Variants in CEP126 observed in about 807,000 individuals in gnomAD.
CEP126 encodes centrosomal protein of 126 kDa.
In CEP126, 74 loss-of-function variants were observed where a neutral mutation model predicts 107.8. The ratio of observed to expected loss-of-function variants is 0.69; its 90% CI spans 0.57 to 0.83. The LOEUF is 0.83. Ranked by LOEUF, CEP126 falls within the 40% of genes least tolerant of loss-of-function variation. The pLI is 0.00. For synonymous variants in CEP126, 449 were observed against 446.0 expected (o/e 1.01, Z -0.08); for missense variants, 1,237 against 1,281.9 (o/e 0.96, Z 0.53).
chr11:101,997,094 G>A (rs1395799526), intron 10 of CEP126, among the ~76,000 whole-genome samples: 13 of 152,180 alleles, frequency 8.5e-5, no homozygotes, highest in Admixed American at 8.5e-4. Context: ...CTGGAGTACA[G>A]TGGAGCAATC....
At chr11:101,934,064 C>T (rs1247788665) in intron 2 of CEP126, among the ~76,000 whole-genome samples, 1 of 151,984 alleles carries the variant, frequency 6.6e-6, no homozygotes, top group African/African-American at 2.4e-5. Flanking sequence ...CATCTTCGCT[C>T]TTTGTTTTCA....
intron 5 of CEP126, among the ~76,000 whole-genome samples, chr11:101,959,219 C>G (rs552284929): frequency 6.6e-6 from 1 of 150,650 alleles, no homozygotes; most frequent in Non-Finnish European, 1.5e-5. Context: ...TACAGTGGTG[C>G]AATCTCGGCT....
intron 4 of CEP126, among the ~76,000 whole-genome samples, chr11:101,949,303 G>A (rs1397963905): frequency 1.3e-5 from 2 of 152,136 alleles, no homozygotes; most frequent in Non-Finnish European, 2.9e-5. Flanking sequence ...AATAATTTTA[G>A]GCAAATTAGT....
chr11:101,926,608 A>G (rs1483086867), intron 2 of CEP126, among the ~76,000 whole-genome samples: 4 of 152,204 alleles, frequency 2.6e-5, no homozygotes, highest in Admixed American at 2.6e-4. Context: ...AGCTGTTATA[A>G]TGTTCTAGGC....
intron 1 of CEP126, chr11:101,916,412 ATC>A (rs1940214539): frequency 6.6e-6 from 1 of 152,202 alleles, no homozygotes; most frequent in South Asian, 2.1e-4. Context: ...AAAGTAAAAT[ATC>A]TCTTCTCCGA....
chr11:101,918,050 A>G (rs553537887), intron 1 of CEP126, among the ~76,000 whole-genome samples: 2 of 152,274 alleles, frequency 1.3e-5, no homozygotes, highest in Non-Finnish European at 2.9e-5. Flanking sequence ...ATGCCCTGAC[A>G]GGTCTGTTCC....
chr11:101,983,964 A>G (rs1308417582), intron 8 of CEP126, among the ~76,000 whole-genome samples: 2 of 152,190 alleles, frequency 1.3e-5, no homozygotes, highest in African/African-American at 4.8e-5. Context: ...ACTTTATATC[A>G]GGGAAGCTGG....
intron 9 of CEP126, 80 bp from the exon 10 acceptor site, chr11:101,992,698 T>C: frequency 2.4e-6 from 2 of 822,600 alleles, no homozygotes; most frequent in South Asian, 2.0e-5. Context: ...CATCAGAATT[T>C]AATATTTGAT....
At chr11:101,923,222 A>G (rs1565348841) in intron 2 of CEP126, among the ~76,000 whole-genome samples, 1 of 152,166 alleles carries the variant, frequency 6.6e-6, no homozygotes, top group South Asian at 2.1e-4. Flanking sequence ...ATAATGGTAT[A>G]AAAATTGGAA....
intron 10 of CEP126, 141 bp downstream of exon 10, chr11:101,992,983 T>C: frequency 1.3e-6 from 1 of 765,130 alleles, no homozygotes; most frequent in East Asian, 3.6e-5. Flanking sequence ...AACTGGCTTT[T>C]TATTATAAGA....
chr11:101,991,278 G>T (rs901695284), intron 9 of CEP126, among the ~76,000 whole-genome samples: 3 of 152,022 alleles, frequency 2.0e-5, no homozygotes, highest in Non-Finnish European at 4.4e-5. Context: ...ACACTCCAGT[G>T]ACCTAGCAGA....
intron 9 of CEP126, among the ~76,000 whole-genome samples, chr11:101,990,462 A>G (rs1449001861): frequency 1.3e-5 from 2 of 152,190 alleles, no homozygotes; most frequent in African/African-American, 4.8e-5. Context: ...CCCCTGGAAG[A>G]GGAGCAAGAC....
intron 3 of CEP126, among the ~76,000 whole-genome samples, chr11:101,945,600 G>A (rs940882010): frequency 1.3e-5 from 2 of 152,106 alleles, no homozygotes; most frequent in Admixed American, 6.5e-5. Flanking sequence ...CATATAATAC[G>A]ACGTCCTGTG....
chr11:101,922,876 A>G (rs1940351924), intron 2 of CEP126, 116 bp downstream of exon 2: 6 of 770,484 alleles, frequency 7.8e-6, no homozygotes, highest in African/African-American at 3.5e-5. Flanking sequence ...TCTGTGAAAC[A>G]TTGATCAAGA....
Position 101,938,177 on chromosome 11 carries a change from T to TAAAAAAAAAAAAAA in CEP126, c.249-6087_249-6086insAAAAAAAAAAAAAA. The stretch of plus-strand genomic sequence containing the variant: ...TCTGTCTCAAAAAAAAAAAAAAAAA[T>TAAAAAAAAAAAAAA]ACAAGAAATTGGTCCATTTTACCTA... On this transcript the variant is annotated intron_variant, in intron 2 of 10. Transcript: ENST00000263468. 1.7e-5 allele frequency among the ~76,000 whole-genome samples: 2 copies of TAAAAAAAAAAAAAA among 116,168 alleles called. 1 individual carries two copies. The highest frequency in any genetic ancestry group is 3.7e-5 in the Non-Finnish European group (2 of 54,632). The allele number at this position is 116,168 out of a possible 152,430, so 76.2% of individuals were successfully genotyped here.
intron 1 of CEP126, among the ~76,000 whole-genome samples, chr11:101,919,797 A>G (rs1940295628): frequency 6.6e-6 from 1 of 152,222 alleles, no homozygotes; most frequent in Non-Finnish European, 1.5e-5. Flanking sequence ...CATGTCAAAC[A>G]GAGAACAGAA....
rs1256447910 is a variant in CEP126 at position 101,948,130 on chromosome 11, C to T, written c.494C>T (p.Thr165Ile). The T allele has an allele frequency of 6.3e-7, 1 of 1,589,908 alleles. No individual in the cohort carries two copies. Among genetic ancestry groups the T allele is most frequent in the Non-Finnish European group, 8.6e-7 (1 of 1,159,378 alleles). ...EVNLPFSRRP[T>I]INWRAIDSAL... ...AACCTTCCCTTTTCCCGTAGACCAA[C>T]AATAAACTGGAGGTAAGTAATTTAT... is the stretch of plus-strand genomic sequence containing the variant. Residue 165 changes from threonine to isoleucine, a missense_variant, in exon 4 of 11, where the codon ACA becomes ATA. Coordinates refer to ENST00000263468, the MANE Select transcript of CEP126 (RefSeq NM_020802.4).
intron 6 of CEP126, among the ~76,000 whole-genome samples, chr11:101,966,809 C>T (rs998665405): frequency 1.3e-5 from 2 of 151,964 alleles, no homozygotes; most frequent in African/African-American, 4.8e-5. Flanking sequence ...ATAGAGGGTA[C>T]ATGTGGATGT....
intron 2 of CEP126, among the ~76,000 whole-genome samples, chr11:101,924,908 A>G (rs1940384667): frequency 6.6e-6 from 1 of 152,148 alleles, no homozygotes; most frequent in South Asian, 2.1e-4. Context: ...GTTGCTTTAA[A>G]TCACACACAT....
Sources: allele counts gnomAD v4.1 joint callset (sites outside exome capture counted in the v4.1 genomes callset), GRCh38; gene constraint gnomAD v4.1.1; transcripts MANE v1.5; gene names NCBI Gene and HGNC (gene_info 2026-07-23, HGNC 2026-07-21).